Variants in GRM7 observed in about 807,000 individuals in gnomAD.
The protein encoded by GRM7 is metabotropic glutamate receptor 7.
GRM7 carries 35 observed loss-of-function variants against 84.5 expected under a neutral mutation model. That is an observed-to-expected ratio of 0.41 (90% CI 0.32 to 0.55). GRM7 has a LOEUF of 0.55. GRM7 is among the 20% of genes least tolerant of loss of function. The pLI, the probability that GRM7 is intolerant of heterozygous loss-of-function variation, is 0.19. For missense variants in GRM7, 1,003 were observed against 1,194.6 expected (o/e 0.84, Z 2.36); for synonymous variants, 487 against 455.1 (o/e 1.07, Z -0.89).
intron 1 of GRM7, among the ~76,000 whole-genome samples, chr3:6,865,990 G>C (rs774456525): frequency 7.2e-5 from 11 of 152,158 alleles, no homozygotes; most frequent in Non-Finnish European, 1.0e-4. Context: ...AATTTTTAAA[G>C]GGGCATTTTT....
intron 8 of GRM7, among the ~76,000 whole-genome samples, chr3:7,611,925 T>G (rs1216013950): frequency 1.3e-5 from 2 of 152,112 alleles, no homozygotes; most frequent in African/African-American, 4.8e-5. Flanking sequence ...TCTGTAAAAA[T>G]TCACAATTCT....
intron 1 of GRM7, among the ~76,000 whole-genome samples, chr3:7,143,266 C>T (rs1245867661): frequency 1.3e-5 from 2 of 152,144 alleles, no homozygotes; most frequent in Non-Finnish European, 2.9e-5. Context: ...AGTAACTAAA[C>T]ATGAAGCATA....
intron 2 of GRM7, among the ~76,000 whole-genome samples, chr3:7,184,958 G>C (rs1695465215): frequency 6.6e-6 from 1 of 152,066 alleles, no homozygotes; most frequent in Non-Finnish European, 1.5e-5. Context: ...ATTATTTTCT[G>C]TGTATTAGCC....
intron 7 of GRM7, among the ~76,000 whole-genome samples, chr3:7,484,272 A>G (rs754054812): frequency 1.4e-4 from 22 of 152,274 alleles, no homozygotes; most frequent in South Asian, 8.3e-4. Flanking sequence ...ATACTCTTCA[A>G]TGAGGCTGGA....
At chr3:7,487,939 G>A (rs1034981806) in intron 7 of GRM7, among the ~76,000 whole-genome samples, 8 of 152,152 alleles carry the variant, frequency 5.3e-5, no homozygotes, top group Non-Finnish European at 1.0e-4. Flanking sequence ...CATATGGGCT[G>A]TACCCAGCAA....
At chr3:7,089,850 A>G (rs553568233) in intron 1 of GRM7, among the ~76,000 whole-genome samples, 1 of 152,168 alleles carries the variant, frequency 6.6e-6, no homozygotes, top group South Asian at 2.1e-4. Flanking sequence ...TATTATTATT[A>G]TTGTTATTTT....
intron 2 of GRM7, among the ~76,000 whole-genome samples, chr3:7,241,070 A>T (rs1697541810): frequency 6.6e-6 from 1 of 152,162 alleles, no homozygotes; most frequent in Non-Finnish European, 1.5e-5. Context: ...CACTCAGAAC[A>T]TACCCCCATT....
intron 7 of GRM7, among the ~76,000 whole-genome samples, chr3:7,480,778 G>T (rs977669312): frequency 6.6e-6 from 1 of 152,100 alleles, no homozygotes; most frequent in Non-Finnish European, 1.5e-5. Context: ...GTGTTGAAGT[G>T]GAAGTTACCA....
At position 7,167,086 on chromosome 3, in the gene GRM7, A is replaced by G. The variant is rs187997668; in HGVS notation, c.736+20418A>G. Among the ~76,000 whole-genome samples the G allele has an allele frequency of 2.4e-4, 37 of 152,322 alleles. 1 individual carries two copies. The East Asian group carries it at 5.8e-3, about 24-fold the overall frequency. Reference sequence around the variant, plus strand: ...CATGGCTTTTTGTATTTTAATATTCACTGTTCTATTGGTAATGGAGCCTTA... The same window carrying G: ...CATGGCTTTTTGTATTTTAATATTCGCTGTTCTATTGGTAATGGAGCCTTA... On this transcript the variant is annotated intron_variant, in intron 2 of 9. Transcript: ENST00000357716.
intron 1 of GRM7, among the ~76,000 whole-genome samples, chr3:6,923,735 A>G (rs1308295020): frequency 1.3e-5 from 2 of 152,068 alleles, no homozygotes; most frequent in African/African-American, 4.8e-5. Flanking sequence ...TGAATTATTT[A>G]TTTCATTTGA....
chr3:7,030,942 C>T (rs1241881770), intron 1 of GRM7, among the ~76,000 whole-genome samples: 1 of 152,126 alleles, frequency 6.6e-6, no homozygotes, highest in Non-Finnish European at 1.5e-5. Flanking sequence ...TCCTCTCTTG[C>T]TCCTCCTTAG....
At chr3:7,493,318 T>C (rs1310092552) in intron 7 of GRM7, among the ~76,000 whole-genome samples, 1 of 152,066 alleles carries the variant, frequency 6.6e-6, no homozygotes. Context: ...GCTCCATTGG[T>C]GTTTATTTCA....
At chr3:7,242,231 G>A (rs781720915) in intron 2 of GRM7, among the ~76,000 whole-genome samples, 1 of 152,176 alleles carries the variant, frequency 6.6e-6, no homozygotes, top group Non-Finnish European at 1.5e-5. Flanking sequence ...AGTACATGCT[G>A]TTTACTTCCC....
In GRM7 at chr3:7,274,976, G is replaced by A. The variant is rs571014006; in HGVS notation, c.737-23708G>A. 4.0e-5 allele frequency among the ~76,000 whole-genome samples: 6 copies of A among 151,840 alleles called. No individual in the cohort carries two copies. In the South Asian group the frequency reaches 1.3e-3, roughly 32 times the overall value. On this transcript the variant is annotated intron_variant, in intron 2 of 9. Transcript: ENST00000357716. The stretch of plus-strand genomic sequence containing the variant: ...CTGTGATTCCTGGATATTCTATTTT[G>A]CTCTTCTCAGTCTATTTTTTCTGTT...
At chr3:6,941,407 C>G (rs937892793) in intron 1 of GRM7, among the ~76,000 whole-genome samples, 5 of 152,068 alleles carry the variant, frequency 3.3e-5, no homozygotes, top group Non-Finnish European at 7.4e-5. Flanking sequence ...GTCTTTTATT[C>G]AAAACAATCA....
intron 1 of GRM7, among the ~76,000 whole-genome samples, chr3:7,098,989 G>A (rs765386441): frequency 6.6e-6 from 1 of 151,714 alleles, no homozygotes; most frequent in Non-Finnish European, 1.5e-5. Context: ...TACTTATGAA[G>A]TTTTAGCATT....
At chr3:7,319,261 C>T (rs1700688475) in intron 4 of GRM7, among the ~76,000 whole-genome samples, 1 of 151,942 alleles carries the variant, frequency 6.6e-6, no homozygotes, top group Admixed American at 6.6e-5. Context: ...AAGTAGGCAA[C>T]ATCAGAGTGA....
intron 2 of GRM7, among the ~76,000 whole-genome samples, chr3:7,259,434 C>G (rs1356977392): frequency 6.6e-6 from 1 of 152,112 alleles, no homozygotes; most frequent in Non-Finnish European, 1.5e-5. Flanking sequence ...TTTTCCTCCT[C>G]CCAACTTCAA....
intron 2 of GRM7, among the ~76,000 whole-genome samples, chr3:7,243,907 A>T (rs1173638304): frequency 6.6e-6 from 1 of 152,158 alleles, no homozygotes; most frequent in Non-Finnish European, 1.5e-5. Context: ...TTTTGTGTTC[A>T]AACAAATCTA....
Sources: allele counts gnomAD v4.1 joint callset (sites outside exome capture counted in the v4.1 genomes callset), GRCh38; gene constraint gnomAD v4.1.1; transcripts MANE v1.5; gene names NCBI Gene and HGNC (gene_info 2026-07-23, HGNC 2026-07-21).